SLC17A1: variants seen among roughly 807,000 people sequenced by gnomAD.
The protein encoded by SLC17A1 is sodium-dependent phosphate transport protein 1.
A neutral mutation model predicts 53.5 loss-of-function variants in SLC17A1; 51 were observed. The observed-to-expected ratio is 0.95, with a 90% CI of 0.76 to 1.20. The LOEUF (loss-of-function observed/expected upper bound fraction) is 1.20, where lower values mean the gene tolerates loss of function less well. Ranked by LOEUF, SLC17A1 falls within the 50% of genes most tolerant of loss-of-function variation. SLC17A1 has a pLI of 0.00. For missense variants in SLC17A1, 538 were observed against 568.2 expected, an observed-to-expected ratio of 0.95 and a Z score of 0.54; for synonymous variants, 179 against 198.8, an observed-to-expected ratio of 0.90 and a Z score of 0.84.
chr6:25,741,726 G>A, the SLC17A1 span, among the ~76,000 whole-genome samples: 41,132 of 151,360 alleles, frequency 0.27, 6,766 homozygotes, highest in East Asian at 0.7. Flanking sequence ...AAAAACAACA[G>A]CAAAAATACA....
the SLC17A1 span, chr6:25,732,183 G>T: frequency 2.5e-6 from 1 of 393,496 alleles, no homozygotes. Context: ...CAAGTTCACA[G>T]GGAGATCACT....
At chr6:25,808,499 A>G (rs959848330) in intron 10 of SLC17A1, among the ~76,000 whole-genome samples, 1 of 152,030 alleles carries the variant, frequency 6.6e-6, no homozygotes, top group Non-Finnish European at 1.5e-5. Context: ...CTATTGAAAA[A>G]AGAAGAATTT....
the SLC17A1 span, chr6:25,726,410 A>C: frequency 6.2e-7 from 1 of 1,613,998 alleles, no homozygotes; most frequent in African/African-American, 1.3e-5. Context: ...CGCTCTGCAT[A>C]GTTTCCCTTA....
the SLC17A1 span, among the ~76,000 whole-genome samples, chr6:25,746,578 A>G: frequency 6.6e-6 from 1 of 152,118 alleles, no homozygotes; most frequent in Non-Finnish European, 1.5e-5. Flanking sequence ...TGCCATTAGA[A>G]TCAGAAACCT....
At chr6:25,743,323 G>GT in the SLC17A1 span, among the ~76,000 whole-genome samples, 1 of 152,112 alleles carries the variant, frequency 6.6e-6, no homozygotes, top group South Asian at 2.1e-4. Context: ...TTTTGTATTG[G>GT]TAACATGGTT....
the SLC17A1 span, chr6:25,770,505 C>T: frequency 1.3e-6 from 2 of 1,595,070 alleles, no homozygotes; most frequent in South Asian, 2.2e-5. Flanking sequence ...TTTACATGCA[C>T]TGTCCAGGAG....
chr6:25,805,745 T>C (rs1448370951), intron 10 of SLC17A1, among the ~76,000 whole-genome samples: 1 of 152,004 alleles, frequency 6.6e-6, no homozygotes, highest in Non-Finnish European at 1.5e-5. Context: ...AACACCTCTA[T>C]GCACATAAAC....
intron 12 of SLC17A1, among the ~76,000 whole-genome samples, chr6:25,794,731 T>A (rs932461771): frequency 6.6e-6 from 1 of 152,102 alleles, no homozygotes; most frequent in African/African-American, 2.4e-5. Context: ...AAAAAGCAGT[T>A]CCAGGGCTGC....
At chr6:25,826,437 C>T (rs1304863963) in intron 3 of SLC17A1, 24 bp downstream of exon 3, 37 of 1,570,462 alleles carry the variant, frequency 2.4e-5, no homozygotes, top group Non-Finnish European at 3.1e-5. Context: ...AAACATTTGA[C>T]TGTGGGGAAA....
At chr6:25,811,593 G>A (rs757417315) in intron 9 of SLC17A1, 45 bp downstream of exon 9, 1 of 1,613,556 alleles carries the variant, frequency 6.2e-7, no homozygotes. Context: ...TAAAGATAGG[G>A]GAGAAGTATC....
chr6:25,826,417 A>G, intron 3 of SLC17A1, 44 bp downstream of exon 3: 1 of 1,477,858 alleles, frequency 6.8e-7, no homozygotes. Context: ...AGTTAGCAAG[A>G]CAGGCTTTTA....
intron 11 of SLC17A1, among the ~76,000 whole-genome samples, chr6:25,799,187 T>A (rs1338540213): frequency 6.6e-6 from 1 of 152,192 alleles, no homozygotes. Flanking sequence ...ATTTTTTTAA[T>A]CTGATCTATT....
chr6:25,755,269 T>G, the SLC17A1 span, among the ~76,000 whole-genome samples: 2 of 152,158 alleles, frequency 1.3e-5, no homozygotes, highest in African/African-American at 4.8e-5. Flanking sequence ...ACGGTTCTGG[T>G]TTGGTTCCAG....
chr6:25,818,504 T>C (rs180771431), intron 6 of SLC17A1, among the ~76,000 whole-genome samples: 1 of 152,318 alleles, frequency 6.6e-6, no homozygotes, highest in Admixed American at 6.5e-5. Context: ...TCAAGTTACC[T>C]AAGCCTTTTG....
the SLC17A1 span, chr6:25,732,816 A>G: frequency 1.9e-6 from 1 of 538,942 alleles, no homozygotes; most frequent in Non-Finnish European, 3.1e-6. Context: ...CACAAAGTCC[A>G]GTATGAATAA....
chr6:25,804,528 A>G (rs1419610974), intron 10 of SLC17A1, among the ~76,000 whole-genome samples: 2 of 152,142 alleles, frequency 1.3e-5, no homozygotes, highest in African/African-American at 4.8e-5. Context: ...AGTACCTGAC[A>G]TCTCAATATT....
Position 25,816,846 on chromosome 6 carries a change from C to T in SLC17A1, c.616+2222G>A, listed in dbSNP as rs933708475. 3.6e-5 allele frequency among the ~76,000 whole-genome samples: 5 copies of T among 140,798 alleles called. No homozygotes were observed. The Admixed American group carries it at 3.8e-4, about 11-fold the overall frequency. 92.4% of individuals were successfully genotyped at this position (140,798 alleles called of 152,430 possible). A position where few individuals can be genotyped will look rare whatever the true frequency, so the allele number is the denominator to read the frequency against. On this transcript the variant is annotated intron_variant, in intron 6 of 12. Transcript: ENST00000244527. Reference sequence around the variant, plus strand: ...AGACAAATATAGCAGGATGGCCAGGCCATTTTTTTTTTTTTTTTGAGACGG... The same window carrying T: ...AGACAAATATAGCAGGATGGCCAGGTCATTTTTTTTTTTTTTTTGAGACGG...
chr6:25,814,711 T>A (rs9467615), intron 6 of SLC17A1, among the ~76,000 whole-genome samples: 6 of 151,972 alleles, frequency 3.9e-5, no homozygotes, highest in Non-Finnish European at 5.9e-5. Context: ...GGGCTGGGCA[T>A]GGTGGCTCAC....
At chr6:25,731,308 G>A in the SLC17A1 span, among the ~76,000 whole-genome samples, 1 of 152,206 alleles carries the variant, frequency 6.6e-6, no homozygotes, top group Non-Finnish European at 1.5e-5. Flanking sequence ...CAAGGTGCTG[G>A]AGCTGGTCCA....
Sources: gnomAD v4.1 joint callset for allele counts (sites outside exome capture counted in the v4.1 genomes callset) on GRCh38, gnomAD v4.1.1 for gene constraint, MANE v1.5 for transcripts, NCBI Gene and HGNC (gene_info 2026-07-23, HGNC 2026-07-21) for gene names.